The following MGST1 variants were observed in gnomAD, a reference collection of about 807,000 sequenced individuals.
MGST1 encodes the protein glutathione S-transferase 12.
A neutral mutation model predicts 8.9 loss-of-function variants in MGST1; 5 were observed. That is an observed-to-expected ratio of 0.56 (90% CI 0.29 to 1.19). MGST1 has a LOEUF of 1.19. Among genes scored for constraint, MGST1 ranks in the 50% most tolerant of loss-of-function variants. MGST1 has a pLI of 0.08. For missense variants in MGST1, 182 were observed against 187.4 expected (o/e 0.97, Z 0.17); for synonymous variants, 54 against 67.8 (o/e 0.80, Z 1.00).
chr12:16,477,311 C>T (rs1941330033), intron 4 of MGST1, among the ~76,000 whole-genome samples: 1 of 151,982 alleles, frequency 6.6e-6, no homozygotes, highest in Admixed American at 6.6e-5. Flanking sequence ...TTTGAATAGC[C>T]ATATCTTAAA....
intron 4 of MGST1, among the ~76,000 whole-genome samples, chr12:16,473,577 T>C (rs112354587): frequency 6.6e-6 from 1 of 152,246 alleles, no homozygotes; most frequent in Admixed American, 6.5e-5. Flanking sequence ...GAACTAGAAA[T>C]AATCTTTCTA....
Position 16,361,742 on chromosome 12 carries a change from G to C in MGST1, c.222-2053G>C, listed in dbSNP as rs1940005901. Among the ~76,000 whole-genome samples, 1 of 152,188 alleles carries C rather than the reference G, an allele frequency of 6.6e-6. No individual in the cohort carries two copies. Among genetic ancestry groups the C allele is most frequent in the Admixed American group, 6.5e-5 (1 of 15,280 alleles). On this transcript the variant is annotated intron_variant, in intron 3 of 3. Transcript: ENST00000396210. The surrounding 1 kb of genome is among the most constrained non-coding windows in gnomAD (Gnocchi z 4.2). ...ATTGGCATAAGTATGAGGGTCTGTG[G>C]AAAACAGGCCTTACTAGCATAGTGA... is the stretch of plus-strand genomic sequence containing the variant.
Position 16,536,713 on chromosome 12 carries a change from A to C in MGST1, n.483-52815A>C, listed in dbSNP as rs555462761. On this transcript the variant is annotated intron_variant and non_coding_transcript_variant, in intron 4 of 4. Coordinates refer to the MGST1 transcript ENST00000538857. ...TACATGGTGGTGGCAAGAGAAAATG[A>C]GGAAGATGCAAAAGCAGAAACCCCA... Among the ~76,000 whole-genome samples, 12 of 152,296 alleles carry C rather than the reference A, an allele frequency of 7.9e-5. No homozygotes were observed. The South Asian group carries it at 2.5e-3, about 32-fold the overall frequency.
At chr12:16,430,672 C>T (rs1940930784) in intron 1 of MGST1, among the ~76,000 whole-genome samples, 1 of 151,976 alleles carries the variant, frequency 6.6e-6, no homozygotes, top group African/African-American at 2.4e-5. Flanking sequence ...GTTAATAGTG[C>T]TATAAAAAGA....
intron 4 of MGST1, chr12:16,551,278 G>A (rs1941981164): frequency 6.2e-7 from 1 of 1,612,918 alleles, no homozygotes; most frequent in Admixed American, 1.7e-5. Context: ...TAGTCCGTCT[G>A]GCAAAGGATC....
At chr12:16,519,142 C>G (rs575325711) in intron 4 of MGST1, among the ~76,000 whole-genome samples, 1 of 152,284 alleles carries the variant, frequency 6.6e-6, no homozygotes, top group African/African-American at 2.4e-5. Context: ...ACGAGCCCTT[C>G]CAACATTTGA....
chr12:16,421,772 T>TGTA, intron 1 of MGST1, among the ~76,000 whole-genome samples: 1 of 152,176 alleles, frequency 6.6e-6, no homozygotes, highest in Non-Finnish European at 1.5e-5. Context: ...GGTCAAAGAC[T>TGTA]GTAACCCCTG....
In MGST1 at chr12:16,584,486, G is replaced by A. The variant is rs1943256294; in HGVS notation, n.483-5042G>A. Among the ~76,000 whole-genome samples the A allele has an allele frequency of 6.6e-6, 1 of 152,148 alleles. No individual in the cohort carries two copies. Among genetic ancestry groups the A allele is most frequent in the African/African-American group, 2.4e-5 (1 of 41,426 alleles). ...ACATGAGGTTTCTGGAGGACCCAGT[G>A]GAAAAGTGTTGAGTGAACGTAACAG... On this transcript the variant is annotated intron_variant and non_coding_transcript_variant, in intron 4 of 4. Transcript: ENST00000538857. The surrounding 1 kb of genome is among the most constrained non-coding windows in gnomAD (Gnocchi z 5.2).
intron 4 of MGST1, among the ~76,000 whole-genome samples, chr12:16,526,028 T>C (rs1335031950): frequency 2.7e-5 from 4 of 146,348 alleles, no homozygotes; most frequent in African/African-American, 1.1e-4. Flanking sequence ...GAGTTCATTG[T>C]AGATTCTGGA....
At chr12:16,399,409 C>G in intron 1 of MGST1, 2 of 1,511,746 alleles carry the variant, frequency 1.3e-6, no homozygotes, top group Non-Finnish European at 1.8e-6. Flanking sequence ...TCTTCTTCTT[C>G]CTTATAACAA....
chr12:16,516,351 T>A (rs1941615155), intron 4 of MGST1, among the ~76,000 whole-genome samples: 1 of 152,218 alleles, frequency 6.6e-6, no homozygotes, highest in South Asian at 2.1e-4. Context: ...CCAACTCAAA[T>A]ACATTGATTT....
Position 16,560,951 on chromosome 12 carries a change from C to T in MGST1, n.483-28577C>T, listed in dbSNP as rs1942382372. Among the ~76,000 whole-genome samples the T allele has an allele frequency of 6.6e-6, 1 of 151,730 alleles. No individual in the cohort carries two copies. The highest frequency in any genetic ancestry group is 1.5e-5 in the Non-Finnish European group (1 of 68,000). ...TAATGAATGATTCACTACTTTTTGA[C>T]ATTTAGTTACTAAAAGGTTTGCCAT... is the stretch of plus-strand genomic sequence containing the variant. On this transcript the variant is annotated intron_variant and non_coding_transcript_variant, in intron 4 of 4. Transcript: ENST00000538857. The surrounding 1 kb of genome is among the most constrained non-coding windows in gnomAD (Gnocchi z 5.0).
intron 1 of MGST1, among the ~76,000 whole-genome samples, chr12:16,352,291 A>G (rs1398737418): frequency 6.6e-6 from 1 of 152,240 alleles, no homozygotes; most frequent in African/African-American, 2.4e-5. Context: ...AAAGATGGCT[A>G]TATGACCAAT....
intron 1 of MGST1, chr12:16,399,465 T>A: frequency 1.3e-6 from 2 of 1,548,712 alleles, no homozygotes; most frequent in Non-Finnish European, 1.8e-6. Context: ...TTCATCCCAA[T>A]CCTTTCCACT....
chr12:16,590,904 T>C (rs555757060), downstream of MGST1, among the ~76,000 whole-genome samples: 6 of 152,074 alleles, frequency 3.9e-5, no homozygotes, highest in East Asian at 1.2e-3. Flanking sequence ...TATTACTTAA[T>C]CACACAGGGT....
chr12:16,504,898 T>C (rs1476071697), intron 4 of MGST1, among the ~76,000 whole-genome samples: 1 of 152,158 alleles, frequency 6.6e-6, no homozygotes, highest in Admixed American at 6.6e-5. Context: ...AATCTTCCTT[T>C]TTTAAAAACA....
At chr12:16,504,664 A>G (rs1320110809) in intron 4 of MGST1, among the ~76,000 whole-genome samples, 2 of 152,184 alleles carry the variant, frequency 1.3e-5, no homozygotes, top group African/African-American at 4.8e-5. Context: ...CCTAATAGGT[A>G]GGGAAATTTA....
downstream of MGST1, among the ~76,000 whole-genome samples, chr12:16,593,133 T>C (rs1044791775): frequency 6.6e-6 from 1 of 151,880 alleles, no homozygotes. This position sits in a 1 kb window ranked among gnomAD's most constrained non-coding sequence, Gnocchi z 4.2. Context: ...GATATTTATG[T>C]TTACTAAAAT....
intron 4 of MGST1, among the ~76,000 whole-genome samples, chr12:16,552,594 TA>T: frequency 6.6e-6 from 1 of 152,132 alleles, no homozygotes; most frequent in South Asian, 2.1e-4. Flanking sequence ...AATAGTGTAA[TA>T]AAAAAAGTAG....
Sources: allele counts gnomAD v4.1 joint callset (sites outside exome capture counted in the v4.1 genomes callset), GRCh38; gene constraint gnomAD v4.1.1; non-coding constraint Gnocchi (gnomAD v3.1); transcripts MANE v1.5; gene names NCBI Gene and HGNC (gene_info 2026-07-23, HGNC 2026-07-21).